The following CLRN1 variants were observed in gnomAD, a reference collection of about 807,000 sequenced individuals.
The protein encoded by CLRN1 is clarin 1.
CLRN1 carries 15 observed loss-of-function variants against 18.7 expected under a neutral mutation model. The observed-to-expected ratio is 0.80, with a 90% confidence interval of 0.54 to 1.23. The LOEUF (loss-of-function observed/expected upper bound fraction) is 1.23. Among genes scored for constraint, CLRN1 ranks in the 50% most tolerant of loss-of-function variants. The probability of loss-of-function intolerance (pLI) is 0.00; values close to 1 mark genes in which losing one functional copy is unlikely to be tolerated. For synonymous variants in CLRN1, 104 were observed against 102.9 expected, an observed-to-expected ratio of 1.01 and a Z score of -0.07; for missense variants, 311 against 277.5, an observed-to-expected ratio of 1.12 and a Z score of -0.86.
intron 1 of CLRN1, among the ~76,000 whole-genome samples, chr3:150,960,756 G>C (rs537283573): frequency 6.6e-6 from 1 of 152,354 alleles, no homozygotes; most frequent in East Asian, 1.9e-4. Flanking sequence ...ACAGGAGACA[G>C]GCAGATGGAG....
intron 2 of CLRN1, among the ~76,000 whole-genome samples, chr3:150,936,460 T>C (rs1227293019): frequency 1.3e-5 from 2 of 152,136 alleles, no homozygotes; most frequent in Non-Finnish European, 2.9e-5. Context: ...CCCACCCCTT[T>C]CTTGCCCTAA....
chr3:150,962,424 A>G (rs1387646522), intron 1 of CLRN1, among the ~76,000 whole-genome samples: 1 of 152,200 alleles, frequency 6.6e-6, no homozygotes, highest in Non-Finnish European at 1.5e-5. Context: ...TGAAAACCCT[A>G]ATATATTTGA....
At chr3:150,970,721 A>G (rs943579000) in intron 1 of CLRN1, among the ~76,000 whole-genome samples, 1 of 152,160 alleles carries the variant, frequency 6.6e-6, no homozygotes, top group Non-Finnish European at 1.5e-5. Flanking sequence ...CTGGGAGCTA[A>G]TGAAATTCTG....
chr3:150,937,312 T>C (rs998005121), intron 2 of CLRN1, among the ~76,000 whole-genome samples: 4 of 152,320 alleles, frequency 2.6e-5, no homozygotes, highest in African/African-American at 9.6e-5. Context: ...GGATCACCAG[T>C]GCCTATTATA....
intron 1 of CLRN1, among the ~76,000 whole-genome samples, chr3:150,959,959 C>A (rs1464006940): frequency 1.3e-5 from 2 of 152,098 alleles, no homozygotes; most frequent in African/African-American, 2.4e-5. Flanking sequence ...GAGTCTCAGG[C>A]AGTTGGAATA....
chr3:150,966,225 G>A (rs908861283), intron 1 of CLRN1, among the ~76,000 whole-genome samples: 1 of 152,158 alleles, frequency 6.6e-6, no homozygotes, highest in Non-Finnish European at 1.5e-5. Flanking sequence ...GAGGTGGGAG[G>A]ATTCCTTGGG....
rs188133145 is a variant in CLRN1, at chr3:150,969,061, A to C, written c.253+3395T>G. 6.5e-3 allele frequency among the ~76,000 whole-genome samples: 985 copies of C among 151,914 alleles called. 16 individuals carry two copies. The highest frequency in any genetic ancestry group is 6.5e-3 in the Non-Finnish European group (444 of 67,956). ...ATGTGAAATGTGGCTAGACTGAATT[A>C]GATGTAATGTAAATGTAAAATACAC... On this transcript the variant is annotated intron_variant, in intron 1 of 2. Transcript: ENST00000327047.
rs775098953 is a variant in CLRN1, at chr3:150,928,174, A to C, written c.461T>G (p.Leu154Trp). The part of the protein sequence containing the change: ...SGSCGCLVMI[L>W]FASEVKIHHL... ...ATGGATTTTCACTTCAGAGGCAAAC[A>C]ATATCATGACAAGACAGCCACAGGA... The change falls in exon 3 of 3, where the codon TTG becomes TGG. Residue 154 changes from leucine (L) to tryptophan (W), a missense_variant. Transcript: ENST00000327047. The C allele has an allele frequency of 1.9e-6, 3 of 1,614,078 alleles. No individual in the cohort carries two copies. The highest frequency in any genetic ancestry group is 2.2e-5 in the South Asian group (2 of 91,038).
intron 1 of CLRN1, among the ~76,000 whole-genome samples, chr3:150,949,726 C>T (rs1287029941): frequency 2.0e-5 from 3 of 152,156 alleles, no homozygotes; most frequent in Non-Finnish European, 2.9e-5. Flanking sequence ...ACATCCCATG[C>T]TCATGGATAG....
At chr3:150,969,144 A>T (rs999565282) in intron 1 of CLRN1, among the ~76,000 whole-genome samples, 2 of 151,146 alleles carry the variant, frequency 1.3e-5, no homozygotes, top group African/African-American at 4.9e-5. Flanking sequence ...ATCTCAATAA[A>T]TTTTTAATTA....
At chr3:150,944,117 T>C in intron 1 of CLRN1, 1 of 512,340 alleles carries the variant, frequency 2.0e-6, no homozygotes, top group Non-Finnish European at 3.6e-6. Flanking sequence ...AGCTGACACC[T>C]GAATGTTGAG....
chr3:150,955,615 CTTGGGGGA>C (rs1257084793), intron 1 of CLRN1, among the ~76,000 whole-genome samples: 1 of 152,094 alleles, frequency 6.6e-6, no homozygotes, highest in Non-Finnish European at 1.5e-5. Context: ...TTCCAACACA[CTTGGGGGA>C]TTGTCAACAT....
chr3:150,935,957 C>CT (rs1056302823), intron 2 of CLRN1, among the ~76,000 whole-genome samples: 29 of 151,638 alleles, frequency 1.9e-4, no homozygotes, highest in African/African-American at 7.0e-4. Context: ...TGAGAAGTGT[C>CT]TGTTCATGTC....
intron 1 of CLRN1, among the ~76,000 whole-genome samples, chr3:150,945,341 A>G (rs924978930): frequency 1.3e-5 from 2 of 152,236 alleles, no homozygotes; most frequent in Non-Finnish European, 2.9e-5. Context: ...GTGAGACAGC[A>G]GGGAAGCAAA....
chr3:150,932,282 G>C (rs1713198233), intron 2 of CLRN1, among the ~76,000 whole-genome samples: 2 of 152,080 alleles, frequency 1.3e-5, no homozygotes, highest in Admixed American at 6.5e-5. Context: ...GGCCAATGAG[G>C]GTTGCTTCTT....
downstream of CLRN1, chr3:150,926,389 T>G (rs1380627468): frequency 1.1e-5 from 3 of 285,330 alleles, no homozygotes; most frequent in Non-Finnish European, 2.1e-5. Context: ...CAGGAGACGG[T>G]CCTTGTCCTC....
At position 150,969,292 on chromosome 3, in the gene CLRN1, A is replaced by AATATATATATAT. The variant is rs766087778; in HGVS notation, c.253+3152_253+3163dup. Among the ~76,000 whole-genome samples the AATATATATATAT allele has an allele frequency of 2.8e-3, 171 of 61,396 alleles. 5 individuals carry two copies. The highest frequency in any genetic ancestry group is 0.013 in the East Asian group (21 of 1,666). 40.3% of individuals were successfully genotyped at this position (61,396 alleles called of 152,430 possible). ...AGTACATATGTGGCTTGTGGCTTGT[A>AATATATATATAT]ATATATATATATATATATATATTTT... On this transcript the variant is annotated intron_variant, in intron 1 of 2. Transcript: ENST00000327047.
At chr3:150,934,260 C>T (rs1024432105) in intron 2 of CLRN1, among the ~76,000 whole-genome samples, 7 of 152,110 alleles carry the variant, frequency 4.6e-5, no homozygotes, top group Non-Finnish European at 1.0e-4. Context: ...TGCTTATGTT[C>T]CATGCCATAG....
intron 1 of CLRN1, among the ~76,000 whole-genome samples, chr3:150,947,659 A>G (rs1960016): frequency 0.048 from 7,273 of 152,274 alleles, 431 homozygotes; most frequent in African/African-American, 0.14. Flanking sequence ...TGGACATAAA[A>G]CAATCCTCAG....
Sources: allele counts gnomAD v4.1 joint callset (sites outside exome capture counted in the v4.1 genomes callset), GRCh38; gene constraint gnomAD v4.1.1; transcripts MANE v1.5; gene names NCBI Gene and HGNC (gene_info 2026-07-23, HGNC 2026-07-21).